PXT1: variants seen among roughly 807,000 people sequenced by gnomAD.
The protein encoded by PXT1 is peroxisomal testis-specific protein 1.
In PXT1, 11 loss-of-function variants were observed where a neutral mutation model predicts 11.0. The observed-to-expected ratio is 1.00, with a 90% CI of 0.63 to 1.66. The LOEUF (loss-of-function observed/expected upper bound fraction) is 1.66, where lower values mean the gene tolerates loss of function less well. Ranked by LOEUF, PXT1 falls within the 40% of genes most tolerant of loss-of-function variation. The pLI, the probability that PXT1 is intolerant of heterozygous loss-of-function variation, is 0.00. For synonymous variants in PXT1, 43 were observed against 51.4 expected, an observed-to-expected ratio of 0.84 and a Z score of 0.70; for missense variants, 141 against 155.5, an observed-to-expected ratio of 0.91 and a Z score of 0.49.
At chr6:36,409,264 A>G (rs1774333630) in intron 3 of PXT1, among the ~76,000 whole-genome samples, 1 of 152,204 alleles carries the variant, frequency 6.6e-6, no homozygotes, top group African/African-American at 2.4e-5. Context: ...AATGGGAGGC[A>G]GGTCAACAAC....
chr6:36,392,246 T>C (rs1774080343), intron 4 of PXT1, among the ~76,000 whole-genome samples: 1 of 152,180 alleles, frequency 6.6e-6, no homozygotes, highest in Non-Finnish European at 1.5e-5. Context: ...CCTTGGCTGG[T>C]CTCAACAAAC....
intron 3 of PXT1, among the ~76,000 whole-genome samples, chr6:36,420,998 C>T (rs1774515822): frequency 1.3e-5 from 2 of 149,520 alleles, no homozygotes; most frequent in South Asian, 2.1e-4. Flanking sequence ...GAGGTTGCAG[C>T]GAGCCAAGAT....
intron 3 of PXT1, among the ~76,000 whole-genome samples, chr6:36,416,305 T>C (rs1249964592): frequency 2.0e-5 from 3 of 152,102 alleles, no homozygotes; most frequent in Non-Finnish European, 2.9e-5. Flanking sequence ...GCTATGATCA[T>C]GCCACTGCAC....
intron 3 of PXT1, among the ~76,000 whole-genome samples, chr6:36,403,802 A>G (rs1351737412): frequency 1.3e-5 from 2 of 152,178 alleles, no homozygotes; most frequent in African/African-American, 4.8e-5. Context: ...CAGGAGGTCA[A>G]GGCTACAGTG....
At chr6:36,421,020 A>C (rs867835865) in intron 3 of PXT1, among the ~76,000 whole-genome samples, 72 of 151,138 alleles carry the variant, frequency 4.8e-4, no homozygotes, top group Middle Eastern at 6.9e-3. Context: ...GTGCCACTGC[A>C]CTCCAGCTTG....
chr6:36,395,779 T>C (rs73408850), intron 4 of PXT1, among the ~76,000 whole-genome samples: 3,640 of 151,978 alleles, frequency 0.024, 136 homozygotes, highest in African/African-American at 0.082. Context: ...GCAGGCAGAT[T>C]GCTTGAGCCC....
intron 3 of PXT1, among the ~76,000 whole-genome samples, chr6:36,414,373 A>G (rs1774417724): frequency 6.6e-6 from 1 of 152,220 alleles, no homozygotes; most frequent in Non-Finnish European, 1.5e-5. Flanking sequence ...TACAAATCAC[A>G]TGGAGGAGGG....
intron 2 of PXT1, among the ~76,000 whole-genome samples, chr6:36,438,408 TTTG>T (rs952161569): frequency 3.3e-5 from 5 of 152,070 alleles, no homozygotes; most frequent in Non-Finnish European, 7.4e-5. Flanking sequence ...AACACTATGT[TTTG>T]TTGTTGTTGT....
rs200610024 is a variant in PXT1 at position 36,403,883 on chromosome 6, A to G, written c.170-3299T>C. On this transcript the variant is annotated intron_variant, in intron 3 of 4. Coordinates refer to ENST00000454782, the MANE Select transcript of PXT1 (RefSeq NM_152990.4). ...AACCTGTCTCAAAATAAATAAATAA[A>G]TTGTAGGTACCTTTATGATGTTTTA... Among the ~76,000 whole-genome samples, 22 of 152,300 alleles carry G rather than the reference A, an allele frequency of 1.4e-4. No homozygotes were observed. In the East Asian group the frequency reaches 3.3e-3, roughly 23 times the overall value.
chr6:36,392,802 C>G (rs1424060221), intron 4 of PXT1, among the ~76,000 whole-genome samples: 1 of 152,100 alleles, frequency 6.6e-6, no homozygotes, highest in South Asian at 2.1e-4. Flanking sequence ...GACACAAATG[C>G]TCCCCCGCCT....
rs781637791 is a variant in PXT1, at chr6:36,398,044, AG to A, written c.300+2409del. On this transcript the variant is annotated intron_variant, in intron 4 of 4. Coordinates refer to ENST00000454782, the MANE Select transcript of PXT1 (RefSeq NM_152990.4). ...AAAAAAGACTCCTACAATAATAAAA[AG>A]ATAAGTAGTCAATTATAAATGGACA... 2.0e-4 allele frequency among the ~76,000 whole-genome samples: 30 copies of A among 152,148 alleles called. 1 individual carries two copies. The highest frequency in any genetic ancestry group is 4.0e-4 in the Non-Finnish European group (27 of 68,028).
rs1774598937 is a variant in PXT1, at chr6:36,425,916, G to A, written c.167C>T (p.Pro56Leu). 1 of 1,532,558 alleles carries A rather than the reference G, an allele frequency of 6.5e-7. No homozygotes were observed. The allele number at this position is 1,532,558 out of a possible 1,614,324, so 94.9% of individuals were successfully genotyped here. Residue 56 changes from proline (P) to leucine (L), a missense_variant and splice_region_variant, in exon 3 of 5, where the codon CCA becomes CTA. Pro to Leu is a moderately conservative substitution (Grantham distance 98). Transcript: ENST00000454782. ...TTAGTTTAATCCAAATATCTTACCT[G>A]GGTTCCTTGACATGGCTGGAACTGG... ...SQPVPAMSRN[P>L]DHNLLSQPKE...
At chr6:36,434,395 G>A (rs1206567522) in intron 2 of PXT1, among the ~76,000 whole-genome samples, 8 of 152,118 alleles carry the variant, frequency 5.3e-5, no homozygotes, top group Middle Eastern at 3.4e-3. Context: ...AACTTTTTAT[G>A]TTTGAAATTT....
intron 4 of PXT1, among the ~76,000 whole-genome samples, 187 bp downstream of exon 4, chr6:36,400,266 GC>G (rs1268269237): frequency 1.3e-5 from 2 of 152,198 alleles, no homozygotes; most frequent in Non-Finnish European, 2.9e-5. Context: ...AGTCTGAGTA[GC>G]AAGTATGAGA....
intron 3 of PXT1, among the ~76,000 whole-genome samples, chr6:36,423,059 AC>A (rs1317939492): frequency 6.6e-6 from 1 of 152,184 alleles, no homozygotes; most frequent in African/African-American, 2.4e-5. Flanking sequence ...AATTCCCCAT[AC>A]AAAAATTATG....
intron 3 of PXT1, among the ~76,000 whole-genome samples, chr6:36,421,153 A>T (rs1774519446): frequency 1.3e-5 from 2 of 152,114 alleles, no homozygotes; most frequent in African/African-American, 4.8e-5. Flanking sequence ...GGGCAAAATT[A>T]AAAAACAACA....
At chr6:36,424,954 C>T (rs1173447531) in intron 3 of PXT1, among the ~76,000 whole-genome samples, 3 of 152,128 alleles carry the variant, frequency 2.0e-5, no homozygotes, top group Non-Finnish European at 4.4e-5. Flanking sequence ...AAGCAACTAT[C>T]AGGATGCTTG....
intron 4 of PXT1, among the ~76,000 whole-genome samples, chr6:36,395,314 A>G (rs533958703): frequency 8.5e-5 from 13 of 152,270 alleles, no homozygotes; most frequent in East Asian, 7.7e-4. Context: ...AAATACATCA[A>G]TGGCAGGAAG....
intron 2 of PXT1, among the ~76,000 whole-genome samples, chr6:36,433,837 A>AAAAAAG (rs10677902): frequency 0.56 from 74,713 of 132,826 alleles, 23,893 homozygotes; most frequent in Middle Eastern, 0.72. Flanking sequence ...AAAAAAAAAA[A>AAAAAAG]AAAGAAAAGA....
Sources: gnomAD v4.1 joint callset for allele counts (sites outside exome capture counted in the v4.1 genomes callset) on GRCh38, gnomAD v4.1.1 for gene constraint, MANE v1.5 for transcripts, NCBI Gene and HGNC (gene_info 2026-07-23, HGNC 2026-07-21) for gene names.